Variants in SMIM44 observed in about 807,000 individuals in gnomAD.
SMIM44 encodes small integral membrane protein 44.
the SMIM44 span, among the ~76,000 whole-genome samples, chr19:3,482,417 A>G: frequency 2.8e-4 from 42 of 152,228 alleles, no homozygotes; most frequent in Admixed American, 2.7e-3. Flanking sequence ...AAGCCACTTC[A>G]TCACTGCGTG....
chr19:3,483,379 C>T, the SMIM44 span: 1 of 398,074 alleles, frequency 2.5e-6, no homozygotes, highest in Non-Finnish European at 4.4e-6. Flanking sequence ...CCCTCGGCCT[C>T]CCCCTCGGCC....
At chr19:3,482,151 CCGT>C in the SMIM44 span, among the ~76,000 whole-genome samples, 1 of 152,192 alleles carries the variant, frequency 6.6e-6, no homozygotes, top group Non-Finnish European at 1.5e-5. Context: ...ACTGTGTATC[CCGT>C]CTTGTGCAGG....
the SMIM44 span, chr19:3,483,258 G>GCCA: frequency 2.5e-6 from 1 of 398,534 alleles, no homozygotes; most frequent in Non-Finnish European, 4.4e-6. Context: ...GTAGGCGACG[G>GCCA]CCACCACCAC....
chr19:3,482,953 C>T, the SMIM44 span: 5 of 398,194 alleles, frequency 1.3e-5, no homozygotes, highest in Non-Finnish European at 1.8e-5. Context: ...CAGGCCAGGG[C>T]CAGCTGCAGG....
chr19:3,483,230 G>T, the SMIM44 span: 1 of 398,590 alleles, frequency 2.5e-6, no homozygotes, highest in Non-Finnish European at 4.4e-6. Flanking sequence ...GGTCTTTGAT[G>T]AGGTGCCCGA....
chr19:3,483,328 G>A, the SMIM44 span: 1 of 398,290 alleles, frequency 2.5e-6, no homozygotes, highest in Non-Finnish European at 4.4e-6. Flanking sequence ...TCCAGGGGCG[G>A]CGGCCGGTAC....
At chr19:3,483,099 C>A in the SMIM44 span, 14 of 398,504 alleles carry the variant, frequency 3.5e-5, no homozygotes, top group South Asian at 1.1e-3. Context: ...CGGCCACCCT[C>A]CTCTGTCCCC....
At chr19:3,482,703 G>C in the SMIM44 span, 3 of 396,394 alleles carry the variant, frequency 7.6e-6, no homozygotes, top group South Asian at 1.4e-4. Flanking sequence ...GGAGAAAGCC[G>C]TCCGCTGCGA....
chr19:3,482,323 C>T, the SMIM44 span, among the ~76,000 whole-genome samples: 27 of 152,152 alleles, frequency 1.8e-4, no homozygotes, highest in Non-Finnish European at 3.8e-4. Flanking sequence ...GGGCAGGACC[C>T]GCCTTGGAGA....
At chr19:3,482,153 G>A in the SMIM44 span, among the ~76,000 whole-genome samples, 9 of 152,224 alleles carry the variant, frequency 5.9e-5, no homozygotes, top group African/African-American at 2.2e-4. Flanking sequence ...TGTGTATCCC[G>A]TCTTGTGCAG....
the SMIM44 span, chr19:3,483,045 G>A: frequency 2.5e-6 from 1 of 398,520 alleles, no homozygotes; most frequent in Non-Finnish European, 4.4e-6. Flanking sequence ...CGGGCCAAAC[G>A]CCCAGTCTGC....
At chr19:3,483,258 GCCA>G in the SMIM44 span, 3 of 398,534 alleles carry the variant, frequency 7.5e-6, no homozygotes, top group Non-Finnish European at 1.3e-5. Context: ...GTAGGCGACG[GCCA>G]CCACCACCAG....
chr19:3,483,018 G>GC, the SMIM44 span: 1 of 398,538 alleles, frequency 2.5e-6, no homozygotes, highest in Non-Finnish European at 4.4e-6. Context: ...CCGGGGTGCG[G>GC]CCTCCTGGTC....
the SMIM44 span, among the ~76,000 whole-genome samples, chr19:3,482,439 C>T: frequency 6.6e-6 from 1 of 152,218 alleles, no homozygotes; most frequent in African/African-American, 2.4e-5. Flanking sequence ...CTCGGTTTCC[C>T]CATCTGTTAA....
chr19:3,482,691 A>G, the SMIM44 span: 1 of 396,018 alleles, frequency 2.5e-6, no homozygotes, highest in Admixed American at 4.4e-5. Context: ...GCCGGCTGGG[A>G]AGGAGAAAGC....
the SMIM44 span, chr19:3,483,171 C>A: frequency 2.5e-6 from 1 of 398,472 alleles, no homozygotes; most frequent in Non-Finnish European, 4.4e-6. Flanking sequence ...CCAGCATCGG[C>A]CCCAGCTGGG....
chr19:3,482,769 C>G, the SMIM44 span: 3 of 397,702 alleles, frequency 7.5e-6, no homozygotes, highest in African/African-American at 6.2e-5. Flanking sequence ...TCTGTCTACA[C>G]GACCGCCAAA....
the SMIM44 span, chr19:3,482,923 C>T: frequency 3.3e-5 from 13 of 398,054 alleles, no homozygotes; most frequent in Non-Finnish European, 5.3e-5. Flanking sequence ...CCACCCCCGC[C>T]GGCGTCCTCC....
chr19:3,482,808 G>C, the SMIM44 span: 3 of 397,314 alleles, frequency 7.6e-6, no homozygotes, highest in Non-Finnish European at 8.9e-6. Flanking sequence ...CAGGATTCAA[G>C]TTGCCATCAG....
Sources: allele counts gnomAD v4.1 joint callset (sites outside exome capture counted in the v4.1 genomes callset), GRCh38; gene constraint gnomAD v4.1.1; transcripts MANE v1.5; gene names NCBI Gene and HGNC (gene_info 2026-07-23, HGNC 2026-07-21).